The following STXBP5L variants were observed in gnomAD, a reference collection of about 807,000 sequenced individuals.
STXBP5L encodes syntaxin binding protein 5L.
Under a neutral mutation model 144.5 loss-of-function variants are expected in STXBP5L, and 65 were observed. That is an observed-to-expected ratio of 0.45 (90% CI 0.37 to 0.55). STXBP5L has a LOEUF of 0.55. Among genes scored for constraint, STXBP5L ranks in the 20% least tolerant of loss-of-function variants. The probability of loss-of-function intolerance (pLI) is 0.00; values close to 1 mark genes in which losing one functional copy is unlikely to be tolerated. For missense variants in STXBP5L, 1,298 were observed against 1,405.5 expected, an observed-to-expected ratio of 0.92 and a Z score of 1.22; for synonymous variants, 505 against 469.6, an observed-to-expected ratio of 1.08 and a Z score of -0.97.
intron 15 of STXBP5L, among the ~76,000 whole-genome samples, chr3:121,251,809 C>G (rs575091403): frequency 2.0e-5 from 3 of 152,098 alleles, no homozygotes; most frequent in Non-Finnish European, 4.4e-5. Context: ...TCTTAGCCCA[C>G]AAGGTAGAGT....
intron 20 of STXBP5L, among the ~76,000 whole-genome samples, chr3:121,348,797 G>A (rs375913502): frequency 7.2e-5 from 11 of 151,844 alleles, no homozygotes; most frequent in Admixed American, 1.3e-4. Context: ...TGGGATCGGC[G>A]GTGATATCCC....
chr3:121,380,387 T>G (rs2046295437), intron 21 of STXBP5L, among the ~76,000 whole-genome samples: 10 of 152,114 alleles, frequency 6.6e-5, no homozygotes, highest in Admixed American at 6.6e-4. Context: ...CCTCTTTCTA[T>G]AAAAACAATT....
intron 3 of STXBP5L, among the ~76,000 whole-genome samples, chr3:120,962,225 T>C (rs1467795558): frequency 6.6e-6 from 1 of 152,222 alleles, no homozygotes; most frequent in African/African-American, 2.4e-5. Context: ...ATTCTATAGG[T>C]TGCCTGTTCA....
chr3:121,125,552 A>G (rs528688370), intron 7 of STXBP5L, among the ~76,000 whole-genome samples: 9 of 152,246 alleles, frequency 5.9e-5, no homozygotes, highest in African/African-American at 2.2e-4. Context: ...GAAACTGTGC[A>G]TTGGTCTATC....
intron 18 of STXBP5L, among the ~76,000 whole-genome samples, chr3:121,267,065 A>T (rs1462428121): frequency 6.6e-6 from 1 of 152,226 alleles, no homozygotes; most frequent in Non-Finnish European, 1.5e-5. Flanking sequence ...AAGTACTTTA[A>T]ATTTCATATG....
chr3:121,306,402 A>G (rs1328700610), intron 19 of STXBP5L, among the ~76,000 whole-genome samples: 1 of 152,148 alleles, frequency 6.6e-6, no homozygotes, highest in African/African-American at 2.4e-5. Context: ...CCTCAGTACC[A>G]TAAAATATTG....
At chr3:121,139,586 T>C (rs779459382) in intron 7 of STXBP5L, among the ~76,000 whole-genome samples, 2 of 152,074 alleles carry the variant, frequency 1.3e-5, no homozygotes, top group Non-Finnish European at 1.5e-5. Context: ...AAATATCTAC[T>C]TACCTGGAGG....
chr3:121,078,161 C>G (rs983659228), intron 5 of STXBP5L, among the ~76,000 whole-genome samples: 1 of 152,026 alleles, frequency 6.6e-6, no homozygotes, highest in Non-Finnish European at 1.5e-5. Flanking sequence ...GGTGCATTCA[C>G]AAACCCTGAA....
chr3:121,351,075 C>G (rs1289180547), intron 20 of STXBP5L, among the ~76,000 whole-genome samples: 2 of 146,266 alleles, frequency 1.4e-5, no homozygotes, highest in Non-Finnish European at 3.0e-5. Context: ...CTGTTTTTTC[C>G]CCATCTTTGT....
rs990185198 is a variant in STXBP5L at position 121,129,467 on chromosome 3, G to A, written c.669+7763G>A. Among the ~76,000 whole-genome samples the A allele has an allele frequency of 4.6e-5, 7 of 151,332 alleles. No individual in the cohort carries two copies. The South Asian group carries it at 1.3e-3, about 27-fold the overall frequency. The stretch of plus-strand genomic sequence containing the variant: ...AGATTGAGGTTGGTAATAGTACATC[G>A]CTATAAAAATAACCAGGTGACAGTC... On this transcript the variant is annotated intron_variant, in intron 7 of 26. Transcript: ENST00000471454.
At chr3:121,344,002 T>A (rs1283941886) in intron 20 of STXBP5L, among the ~76,000 whole-genome samples, 1 of 152,046 alleles carries the variant, frequency 6.6e-6, no homozygotes, top group Non-Finnish European at 1.5e-5. Context: ...CTAACTATAC[T>A]ACAAAGCTAC....
At chr3:121,339,466 G>A (rs2044628184) in intron 20 of STXBP5L, among the ~76,000 whole-genome samples, 1 of 151,990 alleles carries the variant, frequency 6.6e-6, no homozygotes, top group Non-Finnish European at 1.5e-5. Context: ...ATACAGAATA[G>A]GAAGAAGTCA....
At chr3:121,018,048 C>A (rs1024181048) in intron 3 of STXBP5L, among the ~76,000 whole-genome samples, 3 of 152,152 alleles carry the variant, frequency 2.0e-5, no homozygotes, top group Admixed American at 2.0e-4. Flanking sequence ...CACTGCACTC[C>A]AGCCTGGGTG....
intron 8 of STXBP5L, 140 bp downstream of exon 8, chr3:121,152,700 G>A: frequency 1.8e-6 from 1 of 541,534 alleles, no homozygotes; most frequent in Non-Finnish European, 3.1e-6. Context: ...CTGTCTTTTA[G>A]TATTTGTGTA....
intron 5 of STXBP5L, among the ~76,000 whole-genome samples, chr3:121,086,400 C>A (rs1266011215): frequency 6.6e-6 from 1 of 152,060 alleles, no homozygotes; most frequent in Non-Finnish European, 1.5e-5. Context: ...TGAAAAATTT[C>A]TATTGCCTCA....
At chr3:121,262,954 G>A (rs1051039761) in intron 18 of STXBP5L, among the ~76,000 whole-genome samples, 1 of 152,198 alleles carries the variant, frequency 6.6e-6, no homozygotes. Context: ...TCCCAGCACA[G>A]CGCTTGAGCT....
At chr3:121,100,050 A>T (rs963453131) in intron 5 of STXBP5L, among the ~76,000 whole-genome samples, 1 of 152,206 alleles carries the variant, frequency 6.6e-6, no homozygotes, top group Admixed American at 6.5e-5. Context: ...TGAAAATTTA[A>T]CTATCCCAAA....
intron 11 of STXBP5L, among the ~76,000 whole-genome samples, chr3:121,227,529 C>G (rs2049158657): frequency 6.6e-6 from 1 of 152,150 alleles, no homozygotes; most frequent in South Asian, 2.1e-4. Flanking sequence ...CTGCAGCGAT[C>G]TATGATTGCA....
chr3:121,384,686 T>C (rs1367331218), intron 22 of STXBP5L, among the ~76,000 whole-genome samples: 1 of 152,088 alleles, frequency 6.6e-6, no homozygotes, highest in Non-Finnish European at 1.5e-5. Context: ...TAGTAGATTA[T>C]TTTTTCAGTA....
Sources: gnomAD v4.1 joint callset for allele counts (sites outside exome capture counted in the v4.1 genomes callset) on GRCh38, gnomAD v4.1.1 for gene constraint, MANE v1.5 for transcripts, NCBI Gene and HGNC (gene_info 2026-07-23, HGNC 2026-07-21) for gene names.